The following C10orf67 variants were observed in gnomAD, a reference collection of about 807,000 sequenced individuals.
C10orf67 encodes the protein uncharacterized protein C10orf67, mitochondrial.
A neutral mutation model predicts 35.6 loss-of-function variants in C10orf67; 60 were observed. The ratio of observed to expected loss-of-function variants is 1.68; its 90% confidence interval spans 1.37 to 2.09. The LOEUF is 2.09. Among genes scored for constraint, C10orf67 ranks in the 30% most tolerant of loss-of-function variants. The pLI, the probability that C10orf67 is intolerant of heterozygous loss-of-function variation, is 0.00. For missense variants in C10orf67, 474 were observed against 330.2 expected, an observed-to-expected ratio of 1.44 and a Z score of -3.38; for synonymous variants, 167 against 115.8, an observed-to-expected ratio of 1.44 and a Z score of -2.84.
intron 4 of C10orf67, among the ~76,000 whole-genome samples, chr10:23,309,229 G>A (rs1359058280): frequency 6.6e-6 from 1 of 152,088 alleles, no homozygotes; most frequent in Admixed American, 6.5e-5. Flanking sequence ...ATGAAATCAT[G>A]TCCTTTGCAG....
chr10:23,325,548 A>G (rs4639833), intron 2 of C10orf67, among the ~76,000 whole-genome samples: 10 of 145,368 alleles, frequency 6.9e-5, no homozygotes, highest in African/African-American at 2.5e-4. Context: ...AAAAAAAAAC[A>G]AAAAACAAAA....
intron 8 of C10orf67, among the ~76,000 whole-genome samples, chr10:23,274,782 G>C (rs1843135440): frequency 6.6e-6 from 1 of 152,096 alleles, no homozygotes; most frequent in Non-Finnish European, 1.5e-5. Context: ...TAAATCCTAT[G>C]CCTAGGATTT....
chr10:23,222,523 T>C (rs1413307581), intron 15 of C10orf67, among the ~76,000 whole-genome samples: 1 of 151,950 alleles, frequency 6.6e-6, no homozygotes, highest in African/African-American at 2.4e-5. Context: ...GAGAGGAAGG[T>C]AAGGGTTGAA....
chr10:23,321,740 G>A (rs12260616), intron 3 of C10orf67, among the ~76,000 whole-genome samples: 17 of 152,108 alleles, frequency 1.1e-4, no homozygotes, highest in African/African-American at 4.1e-4. Flanking sequence ...GATGGTTTTT[G>A]TTTGCTTGTT....
chr10:23,274,682 C>T (rs945457333), intron 8 of C10orf67, among the ~76,000 whole-genome samples: 3 of 152,070 alleles, frequency 2.0e-5, no homozygotes, highest in East Asian at 1.9e-4. Context: ...TTCAAATACA[C>T]GTTTTACAAT....
chr10:23,281,361 T>A (rs568619705), intron 8 of C10orf67, among the ~76,000 whole-genome samples: 41 of 152,206 alleles, frequency 2.7e-4, no homozygotes, highest in Admixed American at 4.6e-4. Context: ...CCAAACAGTA[T>A]CATATTCTTT....
At chr10:23,343,865 TC>T (rs1339444501) in intron 1 of C10orf67, 1 of 460,806 alleles carries the variant, frequency 2.2e-6, no homozygotes, top group South Asian at 1.6e-5. Context: ...GCGCGAGGGC[TC>T]CGGGGCGGGC....
intron 10 of C10orf67, among the ~76,000 whole-genome samples, chr10:23,253,158 T>C (rs1165783942): frequency 6.6e-6 from 1 of 152,220 alleles, no homozygotes; most frequent in East Asian, 1.9e-4. Context: ...CTCAGGTATG[T>C]CTTTATCAGT....
intron 1 of C10orf67, among the ~76,000 whole-genome samples, chr10:23,335,269 A>G (rs1259511556): frequency 6.6e-6 from 1 of 151,962 alleles, no homozygotes; most frequent in Non-Finnish European, 1.5e-5. Flanking sequence ...GAAACCTGTC[A>G]TACCTCCAGT....
At chr10:23,331,699 GGGGGAAGGGAAAA>G (rs1175170923) in intron 2 of C10orf67, among the ~76,000 whole-genome samples, 9 of 148,406 alleles carry the variant, frequency 6.1e-5, no homozygotes, top group Admixed American at 6.0e-4. Context: ...AAGAAGGGAA[GGGGGAAGGGAAAA>G]GGGGAAGGGA....
At chr10:23,332,649 C>T (rs1845531065) in intron 2 of C10orf67, among the ~76,000 whole-genome samples, 1 of 147,490 alleles carries the variant, frequency 6.8e-6, no homozygotes, top group African/African-American at 2.5e-5. Flanking sequence ...ACACCTCTGC[C>T]TAGGTGACAA....
At chr10:23,207,821 C>T (rs1161728250) in intron 15 of C10orf67, among the ~76,000 whole-genome samples, 1 of 152,180 alleles carries the variant, frequency 6.6e-6, no homozygotes, top group Non-Finnish European at 1.5e-5. Flanking sequence ...AATTTCTTTT[C>T]TGGACCTGAA....
At chr10:23,261,899 T>C (rs1406262436) in intron 10 of C10orf67, among the ~76,000 whole-genome samples, 1 of 152,128 alleles carries the variant, frequency 6.6e-6, no homozygotes, top group Non-Finnish European at 1.5e-5. Context: ...TGAAAAAAGG[T>C]TTAATAACCA....
chr10:23,273,339 G>A (rs1843084245), intron 8 of C10orf67, among the ~76,000 whole-genome samples: 1 of 152,196 alleles, frequency 6.6e-6, no homozygotes, highest in African/African-American at 2.4e-5. Flanking sequence ...CTATCAGCTT[G>A]AGAGGTTCTC....
At chr10:23,210,864 T>C (rs1342532476) in intron 15 of C10orf67, among the ~76,000 whole-genome samples, 3 of 152,332 alleles carry the variant, frequency 2.0e-5, no homozygotes, top group African/African-American at 4.8e-5. Context: ...GCTTTCTAAC[T>C]GATCAAGGGA....
At chr10:23,311,434 G>T (rs754563873) in intron 4 of C10orf67, among the ~76,000 whole-genome samples, 2 of 152,150 alleles carry the variant, frequency 1.3e-5, no homozygotes, top group African/African-American at 4.8e-5. Flanking sequence ...GCTTGGGGCC[G>T]GGCACGGTGG....
intron 15 of C10orf67, among the ~76,000 whole-genome samples, chr10:23,211,484 G>T (rs201838340): frequency 0.42 from 57,015 of 136,042 alleles, 13,603 homozygotes; most frequent in East Asian, 0.75. Context: ...TGTGTGGGGG[G>T]GGGGGGTATC....
At chr10:23,285,604 T>C (rs1439425638) in intron 7 of C10orf67, among the ~76,000 whole-genome samples, 5 of 152,220 alleles carry the variant, frequency 3.3e-5, no homozygotes, top group Admixed American at 1.3e-4. Context: ...TTACACCAAG[T>C]CTTTGAAATC....
intron 13 of C10orf67, among the ~76,000 whole-genome samples, chr10:23,226,017 T>A (rs1234291601): frequency 1.3e-5 from 2 of 151,986 alleles, no homozygotes; most frequent in Non-Finnish European, 2.9e-5. Flanking sequence ...ACTGTCAACA[T>A]TAGACAGATC....
Sources: allele counts gnomAD v4.1 joint callset (sites outside exome capture counted in the v4.1 genomes callset), GRCh38; gene constraint gnomAD v4.1.1; transcripts MANE v1.5; gene names NCBI Gene and HGNC (gene_info 2026-07-23, HGNC 2026-07-21).